Variants in ATP11C observed in about 807,000 individuals in gnomAD.
ATP11C encodes phospholipid-transporting ATPase IG.
In ATP11C, 36 loss-of-function variants were observed where a neutral mutation model predicts 97.4. The ratio of observed to expected loss-of-function variants is 0.37; its 90% confidence interval spans 0.28 to 0.49. The LOEUF is 0.49. Ranked by LOEUF, ATP11C falls within the 20% of genes least tolerant of loss-of-function variation. The pLI, the probability that ATP11C is intolerant of heterozygous loss-of-function variation, is 0.98. For missense variants in ATP11C, 730 were observed against 824.6 expected, an observed-to-expected ratio of 0.89 and a Z score of 1.40; for synonymous variants, 275 against 290.9, an observed-to-expected ratio of 0.95 and a Z score of 0.56.
upstream of ATP11C, among the ~76,000 whole-genome samples, chrX:139,935,592 G>A (rs757627374): frequency 5.4e-5 from 6 of 110,956 alleles, no homozygotes; most frequent in South Asian, 2.3e-3. Context: ...AAAAGATATA[G>A]CAGTATTGTT....
At chrX:139,889,519 A>G (rs2084697087) in intron 1 of ATP11C, among the ~76,000 whole-genome samples, 2 of 111,842 alleles carry the variant, frequency 1.8e-5, no homozygotes, top group South Asian at 7.5e-4. Context: ...TAATTTTGTC[A>G]AAATTCATCG....
chrX:139,762,550 G>C (rs1387518671), intron 21 of ATP11C, among the ~76,000 whole-genome samples: 1 of 111,323 alleles, frequency 9.0e-6, no homozygotes, highest in Admixed American at 9.6e-5. Context: ...AGCAGCGCAA[G>C]GGTTCTATGA....
intron 1 of ATP11C, among the ~76,000 whole-genome samples, chrX:139,833,829 G>A (rs2083701950): frequency 9.0e-6 from 1 of 111,053 alleles, no homozygotes; most frequent in South Asian, 3.8e-4. Context: ...TGGAGAAAAT[G>A]GCTTAGTTGA....
At chrX:139,768,905 C>T (rs966007466) in intron 19 of ATP11C, among the ~76,000 whole-genome samples, 1 of 108,461 alleles carries the variant, frequency 9.2e-6, no homozygotes, top group Non-Finnish European at 1.9e-5. Flanking sequence ...AGGCAGTAGC[C>T]TTAGCTACTT....
intron 1 of ATP11C, among the ~76,000 whole-genome samples, chrX:139,919,484 CACACACACAA>C (rs1322035412): frequency 1.6e-4 from 17 of 108,179 alleles, no homozygotes; most frequent in Non-Finnish European, 2.7e-4. Context: ...CACACACACA[CACACACACAA>C]ACTACTTATT....
intron 1 of ATP11C, among the ~76,000 whole-genome samples, chrX:139,885,102 C>T (rs1455212231): frequency 9.0e-6 from 1 of 110,755 alleles, no homozygotes; most frequent in Non-Finnish European, 1.9e-5. Flanking sequence ...CTTTTCTCTC[C>T]TTCCAAATCT....
intron 28 of ATP11C, among the ~76,000 whole-genome samples, chrX:139,732,746 T>A (rs1757494376): frequency 8.9e-6 from 1 of 111,860 alleles, no homozygotes; most frequent in Non-Finnish European, 1.9e-5. Context: ...TGCCAACTAC[T>A]ATTTCTCTAC....
upstream of ATP11C, among the ~76,000 whole-genome samples, chrX:139,935,730 T>A (rs1256743748): frequency 1.8e-5 from 2 of 112,050 alleles, no homozygotes; most frequent in Non-Finnish European, 3.8e-5. Context: ...ATGGGATTTT[T>A]ATTCCAGGTA....
chrX:139,809,843 G>A (rs1208357306), intron 5 of ATP11C, among the ~76,000 whole-genome samples: 2 of 110,753 alleles, frequency 1.8e-5, no homozygotes, highest in African/African-American at 6.6e-5. Flanking sequence ...GCGCATGCCT[G>A]TAATCCCAGC....
At chrX:139,873,650 C>G (rs1395666028) in intron 1 of ATP11C, among the ~76,000 whole-genome samples, 1 of 92,321 alleles carries the variant, frequency 1.1e-5, no homozygotes, top group South Asian at 5.5e-4. Flanking sequence ...GAGGCTGCAG[C>G]GAGCCAAGAT....
At chrX:139,798,113 T>C (rs1469357677) in intron 10 of ATP11C, among the ~76,000 whole-genome samples, 160 bp downstream of exon 10, 2 of 112,163 alleles carry the variant, frequency 1.8e-5, no homozygotes, top group Non-Finnish European at 3.8e-5. Context: ...AAATCAGACA[T>C]ACAAATCATT....
chrX:139,933,070 G>C (rs1256549786), upstream of ATP11C: 1 of 111,641 alleles, frequency 9.0e-6, no homozygotes, highest in Non-Finnish European at 1.9e-5. Flanking sequence ...GCTGCGCAGC[G>C]GGGCGGGATT....
At chrX:139,816,730 A>T (rs2083294646) in intron 4 of ATP11C, 133 bp downstream of exon 4, 2 of 388,850 alleles carry the variant, frequency 5.1e-6, no homozygotes, top group Non-Finnish European at 9.1e-6. Flanking sequence ...TAGGTTTTCA[A>T]GAGGAACCAA....
At chrX:139,818,637 C>A (rs1603386147) in intron 3 of ATP11C, among the ~76,000 whole-genome samples, 1 of 111,956 alleles carries the variant, frequency 8.9e-6, no homozygotes, top group Admixed American at 9.5e-5. Context: ...TACTCAAAGC[C>A]TCAAAGTGAG....
chrX:139,814,500 G>A (rs1006763431), intron 5 of ATP11C, among the ~76,000 whole-genome samples: 5 of 111,920 alleles, frequency 4.5e-5, no homozygotes, highest in African/African-American at 1.6e-4. Context: ...CCATCAGCTG[G>A]TGAATAAATA....
In ATP11C at chrX:139,766,176, C is replaced by T. The variant is rs149026794; in HGVS notation, c.2391+2084G>A. The stretch of plus-strand genomic sequence containing the variant: ...GGATTGGAGATAGTGACTTGAATAT[C>T]ACATACATGAACATGACAGCTAAGT... On this transcript the variant is annotated intron_variant, in intron 20 of 29. Transcript: ENST00000682941. 7.4e-3 allele frequency among the ~76,000 whole-genome samples: 824 copies of T among 111,964 alleles called. 8 individuals carry two copies. The highest frequency in any genetic ancestry group is 0.025 in the African/African-American group (776 of 30,779).
chrX:139,848,359 T>C (rs1042741136), intron 1 of ATP11C, among the ~76,000 whole-genome samples: 1 of 111,647 alleles, frequency 9.0e-6, no homozygotes, highest in African/African-American at 3.3e-5. Context: ...CTTTTTTACC[T>C]ACCTCTTCTA....
intron 1 of ATP11C, among the ~76,000 whole-genome samples, chrX:139,829,231 G>A (rs1027881725): frequency 7.2e-5 from 8 of 111,229 alleles, no homozygotes; most frequent in African/African-American, 2.6e-4. Context: ...GGGTTGAGAC[G>A]TGCCTGAGAC....
intron 8 of ATP11C, among the ~76,000 whole-genome samples, chrX:139,799,771 G>A (rs778621975): frequency 9.8e-6 from 1 of 102,365 alleles, no homozygotes; most frequent in Admixed American, 1.1e-4. Flanking sequence ...TCCTGCCTCA[G>A]CCTCCTGAGT....
Sources: allele counts gnomAD v4.1 joint callset (sites outside exome capture counted in the v4.1 genomes callset), GRCh38; gene constraint gnomAD v4.1.1; transcripts MANE v1.5; gene names NCBI Gene and HGNC (gene_info 2026-07-23, HGNC 2026-07-21).